Variants in FMO1 observed in about 807,000 individuals in gnomAD.
The protein encoded by FMO1 is flavin containing dimethylaniline monoxygenase 1.
FMO1 carries 36 observed loss-of-function variants against 45.4 expected under a neutral mutation model. The observed-to-expected ratio is 0.79, with a 90% CI of 0.61 to 1.05. The LOEUF is 1.05. Ranked by LOEUF, FMO1 falls within the 50% of genes least tolerant of loss-of-function variation. The probability of loss-of-function intolerance (pLI) is 0.00; values close to 1 mark genes in which losing one functional copy is unlikely to be tolerated. For missense variants in FMO1, 615 were observed against 640.3 expected (o/e 0.96, Z 0.43); for synonymous variants, 228 against 227.2 (o/e 1.00, Z -0.03).
chr1:171,285,127 T>C (rs28360431), intron 8 of FMO1, 75 bp from the exon 9 acceptor site: 15,851 of 968,514 alleles, frequency 0.016, 190 homozygotes, highest in Middle Eastern at 0.037. Context: ...TTTGTTTGCT[T>C]TGGGCACTTG....
At chr1:171,260,868 G>A (rs1358308134) in intron 2 of FMO1, among the ~76,000 whole-genome samples, 1 of 124,602 alleles carries the variant, frequency 8.0e-6, no homozygotes, top group African/African-American at 3.1e-5. Context: ...GGACAAGATT[G>A]TACCACTGCA....
chr1:171,253,543 C>T (rs555753443), intron 1 of FMO1, among the ~76,000 whole-genome samples: 1 of 152,144 alleles, frequency 6.6e-6, no homozygotes, highest in Non-Finnish European at 1.5e-5. Context: ...GGGTGGATCA[C>T]CTGAGGTCGG....
chr1:171,282,493 A>T, intron 7 of FMO1, 160 bp downstream of exon 7: 1 of 565,622 alleles, frequency 1.8e-6, no homozygotes, highest in Admixed American at 3.2e-5. Flanking sequence ...TGTCATAATG[A>T]TTTGTTCCAT....
chr1:171,253,335 A>C (rs1306863048), intron 1 of FMO1, among the ~76,000 whole-genome samples: 1 of 152,154 alleles, frequency 6.6e-6, no homozygotes, highest in Non-Finnish European at 1.5e-5. Flanking sequence ...AGACATCCAC[A>C]AAAATATCAA....
rs1032608708 is a variant in FMO1 at position 171,271,583 on chromosome 1, G to T, written c.322-3763G>T. The stretch of plus-strand genomic sequence containing the variant: ...CTCTTGGCTTCTTAGAATCTCCTTT[G>T]CCAATGTTTAGTTATTTTTCCCCAG... On this transcript the variant is annotated intron_variant, in intron 3 of 8. Transcript: ENST00000617670. 1.6e-5 allele frequency: 13 copies of T among 791,524 alleles called. No individual in the cohort carries two copies. In the Admixed American group the frequency reaches 2.2e-4, roughly 14 times the overall value. 49.0% of individuals were successfully genotyped at this position (791,524 alleles called of 1,614,324 possible). A position where few individuals can be genotyped will look rare whatever the true frequency, so the allele number is the denominator to read the frequency against.
At chr1:171,264,335 TACACACACACAC>T (rs199581410) in intron 2 of FMO1, among the ~76,000 whole-genome samples, 30 of 147,924 alleles carry the variant, frequency 2.0e-4, no homozygotes, top group Admixed American at 1.9e-3. Context: ...TATATATATA[TACACACACACAC>T]ACACATTTAT....
intron 2 of FMO1, among the ~76,000 whole-genome samples, chr1:171,262,897 G>A (rs1660435692): frequency 1.3e-5 from 2 of 152,062 alleles, no homozygotes; most frequent in Non-Finnish European, 2.9e-5. Flanking sequence ...CTCACACTAG[G>A]CAGAAGGGGC....
rs780220392 is a variant in FMO1 at position 171,267,537 on chromosome 1, G to C, written c.133-6G>C. On this transcript the variant is annotated splice_polypyrimidine_tract_variant and splice_region_variant and intron_variant, in intron 2 of 8. Transcript: ENST00000617670. ...GAATGTTCATGTGTGTGCACTGTTT[G>C]TACAGGAACATGTTGAAGAAGGCAG... The C allele has an allele frequency of 6.3e-7, 1 of 1,590,444 alleles. No homozygotes were observed. The highest frequency in any genetic ancestry group is 2.2e-5 in the East Asian group (1 of 44,792).
chr1:171,259,269 C>G (rs542276169), intron 2 of FMO1, among the ~76,000 whole-genome samples: 1 of 152,340 alleles, frequency 6.6e-6, no homozygotes, highest in South Asian at 2.1e-4. Flanking sequence ...CTAGTTTAGT[C>G]ACAGTCCTCC....
At chr1:171,283,729 C>T (rs12354390) in intron 8 of FMO1, among the ~76,000 whole-genome samples, 38,805 of 151,932 alleles carry the variant, frequency 0.26, 8,117 homozygotes, top group African/African-American at 0.58. Context: ...AATTTTGTAG[C>T]ATGTGAAAAA....
chr1:171,260,208 T>G (rs1660319535), intron 2 of FMO1, among the ~76,000 whole-genome samples: 1 of 152,152 alleles, frequency 6.6e-6, no homozygotes, highest in African/African-American at 2.4e-5. Flanking sequence ...GGCAAGGGGT[T>G]TATACTCAGT....
intron 2 of FMO1, among the ~76,000 whole-genome samples, chr1:171,262,383 G>A (rs911937573): frequency 6.6e-6 from 1 of 152,170 alleles, no homozygotes; most frequent in African/African-American, 2.4e-5. Context: ...AGTACTGTGG[G>A]GTAAAAATAC....
At chr1:171,257,849 C>T in intron 1 of FMO1, 1 of 489,572 alleles carries the variant, frequency 2.0e-6, no homozygotes, top group South Asian at 2.0e-5. Flanking sequence ...GCCTTGACAA[C>T]TGTACGAACA....
chr1:171,250,023 C>G (rs1421481820), intron 1 of FMO1, among the ~76,000 whole-genome samples: 1 of 152,004 alleles, frequency 6.6e-6, no homozygotes, highest in Non-Finnish European at 1.5e-5. Flanking sequence ...TCAAGGTGCC[C>G]CCAGACCATA....
At chr1:171,249,121 CT>C (rs1250158448) in intron 1 of FMO1, among the ~76,000 whole-genome samples, 3 of 151,852 alleles carry the variant, frequency 2.0e-5, no homozygotes, top group African/African-American at 7.3e-5. Context: ...GTCATGTCAT[CT>C]TTTTTTCTGT....
chr1:171,261,139 A>T (rs767019694), intron 2 of FMO1, among the ~76,000 whole-genome samples: 1 of 152,154 alleles, frequency 6.6e-6, no homozygotes, highest in Non-Finnish European at 1.5e-5. Flanking sequence ...ACCTTCATGC[A>T]GCAGCCTTCT....
At position 171,278,927 on chromosome 1, in the gene FMO1, C is replaced by T. The variant is rs1210995659; in HGVS notation, c.627+56C>T. 2.1e-6 allele frequency: 3 copies of T among 1,415,274 alleles called. No homozygotes were observed. The African/African-American group carries it at 4.3e-5, about 20-fold the overall frequency. 87.7% of individuals were successfully genotyped at this position (1,415,274 alleles called of 1,614,324 possible). ...TTTATCTTAAGATGCATGCCTCAAG[C>T]AAATGGTGTTTGACACCATGATAAA... On this transcript the variant is annotated intron_variant, in intron 5 of 8. Coordinates refer to ENST00000617670, the MANE Select transcript of FMO1 (RefSeq NM_001282693.2).
At chr1:171,272,522 C>T (rs1381325741) in intron 3 of FMO1, among the ~76,000 whole-genome samples, 1 of 152,218 alleles carries the variant, frequency 6.6e-6, no homozygotes, top group Non-Finnish European at 1.5e-5. Flanking sequence ...CAATGCCAGC[C>T]TGTGAAAGCA....
chr1:171,260,912 CAAAAAAAAAA>C (rs71561566), intron 2 of FMO1, among the ~76,000 whole-genome samples: 55 of 53,688 alleles, frequency 1.0e-3, no homozygotes, highest in African/African-American at 4.0e-3. Context: ...GGCTCCATCT[CAAAAAAAAAA>C]AAAAAAAAAA....
Sources: gnomAD v4.1 joint callset for allele counts (sites outside exome capture counted in the v4.1 genomes callset) on GRCh38, gnomAD v4.1.1 for gene constraint, MANE v1.5 for transcripts, NCBI Gene and HGNC (gene_info 2026-07-23, HGNC 2026-07-21) for gene names.